SDCBP2: variants seen among roughly 807,000 people sequenced by gnomAD.
SDCBP2 encodes syntenin-2.
SDCBP2 carries 28 observed loss-of-function variants against 30.7 expected under a neutral mutation model. The observed-to-expected ratio is 0.91, with a 90% CI of 0.68 to 1.25. SDCBP2 has a LOEUF of 1.25. Ranked by LOEUF, SDCBP2 falls within the 50% of genes most tolerant of loss-of-function variation. The pLI, the probability that SDCBP2 is intolerant of heterozygous loss-of-function variation, is 0.00. For synonymous variants in SDCBP2, 166 were observed against 157.3 expected, an observed-to-expected ratio of 1.06 and a Z score of -0.41; for missense variants, 399 against 379.0, an observed-to-expected ratio of 1.05 and a Z score of -0.44.
rs190061889 is a variant in SDCBP2 at position 1,320,267 on chromosome 20, C to T, written c.54+96G>A. 160 of 1,133,502 alleles carry T rather than the reference C, an allele frequency of 1.4e-4. No individual in the cohort carries two copies. The East Asian group carries it at 2.8e-3, about 20-fold the overall frequency. 70.2% of individuals were successfully genotyped at this position (1,133,502 alleles called of 1,614,324 possible). ...GGACACCTACATGCCCTGAGGCCTA[C>T]GGGAATCTCCAAGTGGCCCCAGTAC... On this transcript the variant is annotated intron_variant, in intron 2 of 8. Coordinates refer to ENST00000360779, the MANE Select transcript of SDCBP2 (RefSeq NM_080489.5). This position sits in a 1 kb window ranked among gnomAD's most constrained non-coding sequence, Gnocchi z 4.7.
Position 1,313,971 on chromosome 20 carries a change from G to A in SDCBP2, c.226-473C>T, listed in dbSNP as rs763522585. On this transcript the variant is annotated intron_variant, in intron 4 of 8. Coordinates refer to ENST00000360779, the MANE Select transcript of SDCBP2 (RefSeq NM_080489.5). This position sits in a 1 kb window ranked among gnomAD's most constrained non-coding sequence, Gnocchi z 5.2. ...GGTACTGGAAGACCTAGCCAGCACA[G>A]TAGGCAAGAAAAGAGGGGGAGTCAC... Among the ~76,000 whole-genome samples, 1 of 152,182 alleles carries A rather than the reference G, an allele frequency of 6.6e-6. No individual in the cohort carries two copies. Among genetic ancestry groups the A allele is most frequent in the Non-Finnish European group, 1.5e-5 (1 of 68,032 alleles).
At chr20:1,312,829 C>A in intron 5 of SDCBP2, 67 bp from the exon 6 acceptor site, 1 of 1,487,720 alleles carries the variant, frequency 6.7e-7, no homozygotes, top group Admixed American at 2.1e-5. Flanking sequence ...CTCTTCCAAC[C>A]TGTTGTTTTC....
At chr20:1,327,403 C>T (rs1043108119) in intron 1 of SDCBP2, among the ~76,000 whole-genome samples, 2 of 152,146 alleles carry the variant, frequency 1.3e-5, no homozygotes, top group East Asian at 1.9e-4. Context: ...CAAGACAGTG[C>T]GCGGGAGGGA....
intron 1 of SDCBP2, among the ~76,000 whole-genome samples, chr20:1,326,191 C>T (rs1247022531): frequency 6.6e-6 from 1 of 152,220 alleles, no homozygotes; most frequent in Admixed American, 6.5e-5. Flanking sequence ...GTCCAGTTGC[C>T]TTCTGGATCC....
In SDCBP2 at chr20:1,313,186, G is replaced by A. The variant is rs1355878786; in HGVS notation, c.384+154C>T. 11 of 801,882 alleles carry A rather than the reference G, an allele frequency of 1.4e-5. No homozygotes were observed. In the Admixed American group the frequency reaches 1.9e-4, roughly 14 times the overall value. 49.7% of individuals were successfully genotyped at this position (801,882 alleles called of 1,614,324 possible). ...CCAGCACCAGCCCCGCCCGGGTCTC[G>A]GGGAGGAGGGACTGGGGGCAAGAGC... On this transcript the variant is annotated intron_variant, in intron 5 of 8. Coordinates refer to ENST00000360779, the MANE Select transcript of SDCBP2 (RefSeq NM_080489.5). This position sits in a 1 kb window ranked among gnomAD's most constrained non-coding sequence, Gnocchi z 5.2.
rs760365636 is a variant in SDCBP2 at position 1,320,318 on chromosome 20, AG to A, written c.54+44del. ...CCAGCACCTTCCAGGGTAATCCCCAAGGTCCCCTTCAGGGAATCCAGGCCAA... is the reference window on the plus strand; with the variant it reads ...CCAGCACCTTCCAGGGTAATCCCCAAGTCCCCTTCAGGGAATCCAGGCCAA... On this transcript the variant is annotated intron_variant, in intron 2 of 8. Transcript: ENST00000360779. This position sits in a 1 kb window ranked among gnomAD's most constrained non-coding sequence, Gnocchi z 4.7. 4 of 1,579,684 alleles carry A rather than the reference AG, an allele frequency of 2.5e-6. No homozygotes were observed. Among genetic ancestry groups the A allele is most frequent in the Non-Finnish European group, 3.5e-6 (4 of 1,151,914 alleles).
chr20:1,313,685 T>G lies in SDCBP2; in HGVS notation c.226-187A>C, dbSNP rs1049153237. 9 of 1,365,786 alleles carry G rather than the reference T, an allele frequency of 6.6e-6. No individual in the cohort carries two copies. The highest frequency in any genetic ancestry group is 8.5e-6 in the Non-Finnish European group (9 of 1,060,662). 84.6% of individuals were successfully genotyped at this position (1,365,786 alleles called of 1,614,324 possible). On this transcript the variant is annotated intron_variant, in intron 4 of 8. Coordinates refer to ENST00000360779, the MANE Select transcript of SDCBP2 (RefSeq NM_080489.5). This position sits in a 1 kb window ranked among gnomAD's most constrained non-coding sequence, Gnocchi z 5.2. ...GGCTCCACGCGGCCACTAGGGGGCGTCAAAGTCCATGCCCTTAAAAAGCCA... is the reference window on the plus strand; with the variant it reads ...GGCTCCACGCGGCCACTAGGGGGCGGCAAAGTCCATGCCCTTAAAAAGCCA...
chr20:1,313,129 C>T lies in SDCBP2; in HGVS notation c.384+211G>A, dbSNP rs1440246236. 4.9e-6 allele frequency: 3 copies of T among 613,868 alleles called. No individual in the cohort carries two copies. Among genetic ancestry groups the T allele is most frequent in the Non-Finnish European group, 8.5e-6 (3 of 351,970 alleles). The allele number at this position is 613,868 out of a possible 1,614,324, so 38.0% of individuals were successfully genotyped here. A position where few individuals can be genotyped will look rare whatever the true frequency, so the allele number is the denominator to read the frequency against. On this transcript the variant is annotated intron_variant, in intron 5 of 8. Transcript: ENST00000360779. This position sits in a 1 kb window ranked among gnomAD's most constrained non-coding sequence, Gnocchi z 5.2. ...GAGGCTCCTCCGAGCGACGGAAGCC[C>T]ACGGAGAGGCCAGTGGAGGGCCCTG...
In SDCBP2 at chr20:1,312,654, A is replaced by C. The variant is rs754710456; in HGVS notation, c.493T>G (p.Ser165Ala). Residue 165 changes from serine to alanine, a missense_variant, in exon 6 of 9, where the codon TCG becomes GCG. Coordinates refer to ENST00000360779, the MANE Select transcript of SDCBP2 (RefSeq NM_080489.5). Reference sequence around the variant, plus strand: ...TTCACCACCTGATGGGCTTTGTGCGAGCTCCACCCAGCACAGTCACGCCCG... The same window carrying C: ...TTCACCACCTGATGGGCTTTGTGCGCGCTCCACCCAGCACAGTCACGCCCG... ...IDGRDCAGWS[S>A]HKAHQVVKKA... 4.3e-6 allele frequency: 7 copies of C among 1,613,928 alleles called. No homozygotes were observed. In the East Asian group the frequency reaches 1.3e-4, roughly 31 times the overall value.
Position 1,321,362 on chromosome 20 carries a change from C to T in SDCBP2, c.-19-927G>A, listed in dbSNP as rs532860765. The T allele has an allele frequency of 1.3e-5, 2 of 152,448 alleles. No homozygotes were observed. Among genetic ancestry groups the T allele is most frequent in the Non-Finnish European group, 2.9e-5 (2 of 68,116 alleles). 9.4% of individuals were successfully genotyped at this position (152,448 alleles called of 1,614,324 possible). On this transcript the variant is annotated intron_variant, in intron 1 of 8. Coordinates refer to ENST00000360779, the MANE Select transcript of SDCBP2 (RefSeq NM_080489.5). The surrounding 1 kb of genome is among the most constrained non-coding windows in gnomAD (Gnocchi z 5.2). ...GCACCTCCCTGAGTGACCACAGGCA[C>T]GCCGAGGACATACTCATCCATCACT... is the stretch of plus-strand genomic sequence containing the variant.
chr20:1,320,322 C>A lies in SDCBP2; in HGVS notation c.54+41G>T. ...CACCTTCCAGGGTAATCCCCAAGGT[C>A]CCCTTCAGGGAATCCAGGCCAATGG... is the stretch of plus-strand genomic sequence containing the variant. On this transcript the variant is annotated intron_variant, in intron 2 of 8. Transcript: ENST00000360779. The surrounding 1 kb of genome is among the most constrained non-coding windows in gnomAD (Gnocchi z 4.7). 2 of 1,589,696 alleles carry A rather than the reference C, an allele frequency of 1.3e-6. No homozygotes were observed. The highest frequency in any genetic ancestry group is 8.6e-7 in the Non-Finnish European group (1 of 1,160,314).
chr20:1,319,713 AGAGCCT>A, intron 2 of SDCBP2, 54 bp from the exon 3 acceptor site: 1 of 1,427,536 alleles, frequency 7.0e-7, no homozygotes, highest in Non-Finnish European at 9.4e-7. Context: ...CAGGAACCCC[AGAGCCT>A]GGAGCTCCAT....
rs1377749219 is a variant in SDCBP2 at position 1,319,622 on chromosome 20, G to A, written c.92C>T (p.Pro31Leu). Reference protein sequence around the residue: ...VRASPKMPALPVQATAISPPP... With the variant: ...VRASPKMPALLVQATAISPPP... ...TGGGGAAATGGCTGTTGCCTGGACT[G>A]GCAGGGCTGGCATCTTGGGTGAGGC... The change falls in exon 3 of 9, where the codon CCA becomes CTA. Residue 31 changes from proline (P) to leucine (L), a missense_variant. Pro to Leu is a moderately conservative substitution (Grantham distance 98). Transcript: ENST00000360779. 3 of 1,571,812 alleles carry A rather than the reference G, an allele frequency of 1.9e-6. No homozygotes were observed. Among genetic ancestry groups the A allele is most frequent in the East Asian group, 2.3e-5 (1 of 43,506 alleles).
chr20:1,327,045 A>G (rs763876383), intron 1 of SDCBP2, among the ~76,000 whole-genome samples: 1 of 152,218 alleles, frequency 6.6e-6, no homozygotes, highest in Non-Finnish European at 1.5e-5. Flanking sequence ...CCTGGCTCCT[A>G]TAATCTGACA....
chr20:1,319,627 G>A lies in SDCBP2; in HGVS notation c.87C>T (p.Ala29=). ...AQVRASPKMP[A]LPVQATAISP... The stretch of plus-strand genomic sequence containing the variant: ...AAATGGCTGTTGCCTGGACTGGCAG[G>A]GCTGGCATCTTGGGTGAGGCTCTGA... Residue 29 remains alanine (A), a synonymous_variant, in exon 3 of 9, where the codon GCC becomes GCT. Transcript: ENST00000360779. 1 of 1,572,874 alleles carries A rather than the reference G, an allele frequency of 6.4e-7. No individual in the cohort carries two copies.
intron 1 of SDCBP2, chr20:1,325,510 C>T (rs1568565564): frequency 2.0e-5 from 3 of 152,346 alleles, no homozygotes; most frequent in South Asian, 4.1e-4. Context: ...CTGGCGCCGG[C>T]ATCCACAAAA....
intron 8 of SDCBP2, 81 bp downstream of exon 8, chr20:1,310,719 G>T: frequency 7.8e-7 from 1 of 1,280,316 alleles, no homozygotes; most frequent in Non-Finnish European, 1.1e-6. Context: ...AAGTGGCTGA[G>T]CCAGGTGCAC....
rs1254056153 is a variant in SDCBP2 at position 1,320,350 on chromosome 20, C to T, written c.54+13G>A. 1 of 1,613,020 alleles carries T rather than the reference C, an allele frequency of 6.2e-7. No individual in the cohort carries two copies. Among genetic ancestry groups the T allele is most frequent in the Admixed American group, 1.7e-5 (1 of 59,968 alleles). ...CTTCAGGGAATCCAGGCCAATGGGGCCTGGCGACTTACCTGAATGGCTTGG... is the reference window on the plus strand; with the variant it reads ...CTTCAGGGAATCCAGGCCAATGGGGTCTGGCGACTTACCTGAATGGCTTGG... On this transcript the variant is annotated intron_variant, in intron 2 of 8. Coordinates refer to ENST00000360779, the MANE Select transcript of SDCBP2 (RefSeq NM_080489.5). The surrounding 1 kb of genome is among the most constrained non-coding windows in gnomAD (Gnocchi z 4.7).
At chr20:1,322,850 C>T (rs1253176052) in intron 1 of SDCBP2, 2 of 152,236 alleles carry the variant, frequency 1.3e-5, no homozygotes, top group African/African-American at 4.8e-5. Context: ...GGATTACAGG[C>T]CTGAGCCACT....
Sources: gnomAD v4.1 joint callset for allele counts (sites outside exome capture counted in the v4.1 genomes callset) on GRCh38, gnomAD v4.1.1 for gene constraint, Gnocchi (gnomAD v3.1) non-coding constraint, MANE v1.5 for transcripts, NCBI Gene and HGNC (gene_info 2026-07-23, HGNC 2026-07-21) for gene names.